Variants in CACNG4 observed in about 807,000 individuals in gnomAD.
CACNG4 encodes the protein voltage-dependent calcium channel gamma-4 subunit.
Under a neutral mutation model 22.9 loss-of-function variants are expected in CACNG4, and 8 were observed. That is an observed-to-expected ratio of 0.35 (90% CI 0.21 to 0.63). CACNG4 has a LOEUF of 0.63. Ranked by LOEUF, CACNG4 falls within the 30% of genes least tolerant of loss-of-function variation. The pLI is 0.72. For synonymous variants in CACNG4, 188 were observed against 191.9 expected (o/e 0.98, Z 0.17); for missense variants, 357 against 455.4 (o/e 0.78, Z 1.97).
At chr17:67,017,201 C>T (rs1185901393) in intron 1 of CACNG4, among the ~76,000 whole-genome samples, 4 of 152,094 alleles carry the variant, frequency 2.6e-5, no homozygotes, top group African/African-American at 9.7e-5. Context: ...CTCAGCCTCC[C>T]GAGTAGCTGG....
intron 1 of CACNG4, among the ~76,000 whole-genome samples, chr17:66,991,064 G>A (rs563135727): frequency 8.5e-5 from 13 of 152,234 alleles, no homozygotes; most frequent in Admixed American, 3.9e-4. Flanking sequence ...ACCGTAAAGC[G>A]CTGGCAGTTG....
At chr17:66,986,004 A>G (rs1362329247) in intron 1 of CACNG4, among the ~76,000 whole-genome samples, 1 of 152,240 alleles carries the variant, frequency 6.6e-6, no homozygotes, top group Non-Finnish European at 1.5e-5. Flanking sequence ...GCAAAGTTCC[A>G]GAAACATCAT....
At chr17:66,988,816 T>G (rs1479624346) in intron 1 of CACNG4, among the ~76,000 whole-genome samples, 1 of 152,118 alleles carries the variant, frequency 6.6e-6, no homozygotes, top group African/African-American at 2.4e-5. Context: ...CTCTGCACTT[T>G]GAGAAGCCAA....
intron 1 of CACNG4, among the ~76,000 whole-genome samples, chr17:66,971,705 G>A (rs1352614456): frequency 6.6e-6 from 1 of 152,134 alleles, no homozygotes; most frequent in Non-Finnish European, 1.5e-5. Context: ...GACCTGGAGG[G>A]AAAACCTTCT....
intron 2 of CACNG4, among the ~76,000 whole-genome samples, chr17:67,022,757 A>G (rs1260931713): frequency 6.6e-6 from 1 of 152,186 alleles, no homozygotes; most frequent in East Asian, 1.9e-4. Context: ...CGGGGCTGGG[A>G]GACAGCAGGT....
intron 1 of CACNG4, among the ~76,000 whole-genome samples, chr17:66,978,477 TC>T (rs2035251649): frequency 6.6e-6 from 1 of 151,784 alleles, no homozygotes; most frequent in Non-Finnish European, 1.5e-5. Flanking sequence ...ACTTCACCCC[TC>T]CCCCACACAC....
chr17:66,982,478 T>G (rs961001778), intron 1 of CACNG4, among the ~76,000 whole-genome samples: 3 of 150,998 alleles, frequency 2.0e-5, no homozygotes, highest in Non-Finnish European at 3.0e-5. Flanking sequence ...TTTACAAACC[T>G]CTAGCTAGCT....
chr17:66,971,161 G>A lies in CACNG4; in HGVS notation c.220+6030G>A, dbSNP rs547807094. 1.2e-3 allele frequency among the ~76,000 whole-genome samples: 176 copies of A among 152,210 alleles called. 1 individual carries two copies. In the South Asian group the frequency reaches 0.015, roughly 13 times the overall value. ...TCTCACTCTCTGTCATACAAACCCCGGAAAGCCTCTGCCCATAGCTTCCAC... is the reference window on the plus strand; with the variant it reads ...TCTCACTCTCTGTCATACAAACCCCAGAAAGCCTCTGCCCATAGCTTCCAC... On this transcript the variant is annotated intron_variant, in intron 1 of 3. Transcript: ENST00000262138.
intron 2 of CACNG4, among the ~76,000 whole-genome samples, chr17:67,024,381 A>C (rs935632559): frequency 1.3e-5 from 2 of 152,236 alleles, no homozygotes; most frequent in African/African-American, 4.8e-5. Flanking sequence ...CACAGCCAGC[A>C]TGCCACAGCA....
intron 1 of CACNG4, among the ~76,000 whole-genome samples, chr17:66,985,761 G>A (rs1166976709): frequency 6.6e-6 from 1 of 152,340 alleles, no homozygotes; most frequent in African/African-American, 2.4e-5. Context: ...AAGGGAGACA[G>A]AGGGACGGCC....
intron 1 of CACNG4, among the ~76,000 whole-genome samples, chr17:66,979,966 G>A (rs2035261679): frequency 6.6e-6 from 1 of 152,034 alleles, no homozygotes. Flanking sequence ...ATGTTAGCCA[G>A]GCTGGTCTTG....
At chr17:66,987,016 A>G (rs113142097) in intron 1 of CACNG4, among the ~76,000 whole-genome samples, 16 of 152,224 alleles carry the variant, frequency 1.1e-4, no homozygotes, top group African/African-American at 3.4e-4. Context: ...GATTCCATTT[A>G]TACGAAATAT....
chr17:66,966,172 C>A (rs961730063), intron 1 of CACNG4, among the ~76,000 whole-genome samples: 1 of 152,014 alleles, frequency 6.6e-6, no homozygotes, highest in South Asian at 2.1e-4. Context: ...CGCTCGGCTT[C>A]GGCGCCTTCC....
chr17:66,992,245 T>C (rs1217613162), intron 1 of CACNG4, among the ~76,000 whole-genome samples: 2 of 152,040 alleles, frequency 1.3e-5, no homozygotes, highest in Non-Finnish European at 2.9e-5. Flanking sequence ...GAATGTTTGC[T>C]ACATGAATGA....
intron 1 of CACNG4, among the ~76,000 whole-genome samples, chr17:67,010,026 C>A (rs1186094752): frequency 6.6e-6 from 1 of 152,110 alleles, no homozygotes; most frequent in Non-Finnish European, 1.5e-5. Context: ...TGCTACCCAA[C>A]CATGCCAGGA....
Position 66,977,445 on chromosome 17 carries a change from G to T in CACNG4, c.220+12314G>T, listed in dbSNP as rs1340198843. Among the ~76,000 whole-genome samples the T allele has an allele frequency of 2.6e-5, 4 of 152,150 alleles. No homozygotes were observed. The East Asian group carries it at 7.7e-4, about 29-fold the overall frequency. Reference sequence around the variant, plus strand: ...GGACGGGGGTTGTGGGTGGGGGATCGATGAGACCTGCATTTGAATCCTGCT... The same window carrying T: ...GGACGGGGGTTGTGGGTGGGGGATCTATGAGACCTGCATTTGAATCCTGCT... On this transcript the variant is annotated intron_variant, in intron 1 of 3. Transcript: ENST00000262138.
chr17:67,025,711 A>C lies in CACNG4; in HGVS notation c.445+711A>C, dbSNP rs115942317. On this transcript the variant is annotated intron_variant, in intron 3 of 3. Transcript: ENST00000262138. ...GACAGTGACATGCCACCTTGGCTGA[A>C]GATGGGCAGGCCTGGCGTGGTGCCG... 5.4e-3 allele frequency among the ~76,000 whole-genome samples: 818 copies of C among 152,386 alleles called. 10 individuals carry two copies. Among genetic ancestry groups the C allele is most frequent in the African/African-American group, 0.018 (757 of 41,584 alleles).
rs551639112 is a variant in CACNG4, at chr17:67,023,210, A to C, written c.305-1650A>C. On this transcript the variant is annotated intron_variant, in intron 2 of 3. Transcript: ENST00000262138. The stretch of plus-strand genomic sequence containing the variant: ...CGTCGTTGGATCTAGGGCCCACCGG[A>C]TTCATCCTGGATGATCTCAGCTTGA... 3.7e-4 allele frequency among the ~76,000 whole-genome samples: 54 copies of C among 145,468 alleles called. No homozygotes were observed. The Middle Eastern group carries it at 0.015, about 40-fold the overall frequency.
At chr17:66,987,761 C>G (rs2035313069) in intron 1 of CACNG4, among the ~76,000 whole-genome samples, 1 of 152,144 alleles carries the variant, frequency 6.6e-6, no homozygotes, top group African/African-American at 2.4e-5. Flanking sequence ...TGACGGCCCT[C>G]TTTTCCATCA....
Sources: allele counts gnomAD v4.1 joint callset (sites outside exome capture counted in the v4.1 genomes callset), GRCh38; gene constraint gnomAD v4.1.1; transcripts MANE v1.5; gene names NCBI Gene and HGNC (gene_info 2026-07-23, HGNC 2026-07-21).